Variants in GNAO1 observed in about 807,000 individuals in gnomAD.
GNAO1 encodes G protein subunit alpha o1.
For synonymous variants in GNAO1, 164 were observed against 180.7 expected (o/e 0.91, Z 0.74); for missense variants, 166 against 478.7 (o/e 0.35, Z 6.10).
intron 2 of GNAO1, among the ~76,000 whole-genome samples, chr16:56,220,394 A>G (rs2036473208): frequency 6.6e-6 from 1 of 152,192 alleles, no homozygotes; most frequent in East Asian, 1.9e-4. Context: ...TGGTAAGTCC[A>G]GGCTTCCAGT....
chr16:56,285,865 C>T (rs1266482726), intron 3 of GNAO1, among the ~76,000 whole-genome samples: 1 of 152,172 alleles, frequency 6.6e-6, no homozygotes, highest in Non-Finnish European at 1.5e-5. Context: ...ATCTCTCTCC[C>T]GACTATGTCT....
chr16:56,212,716 C>T (rs1257661223), intron 2 of GNAO1, among the ~76,000 whole-genome samples: 15 of 152,182 alleles, frequency 9.9e-5, no homozygotes, highest in Non-Finnish European at 1.8e-4. Flanking sequence ...AGTTACTATA[C>T]AGATGTAAGT....
chr16:56,279,941 A>G (rs1157828094), intron 3 of GNAO1, among the ~76,000 whole-genome samples: 6 of 152,232 alleles, frequency 3.9e-5, no homozygotes, highest in Admixed American at 2.0e-4. Flanking sequence ...AGCAGCCAAC[A>G]CAGTGCTCAG....
chr16:56,294,301 G>A (rs2037262062), intron 3 of GNAO1, among the ~76,000 whole-genome samples: 1 of 150,738 alleles, frequency 6.6e-6, no homozygotes, highest in African/African-American at 2.4e-5. Flanking sequence ...GAATGTGGGG[G>A]CTGCTCTCTT....
intron 3 of GNAO1, among the ~76,000 whole-genome samples, chr16:56,306,070 T>C (rs116285797): frequency 5.4e-4 from 82 of 152,352 alleles, no homozygotes; most frequent in African/African-American, 1.9e-3. Flanking sequence ...ATGAAGCTCG[T>C]GGATCAGCAT....
chr16:56,299,797 A>T (rs1184112288), intron 3 of GNAO1, among the ~76,000 whole-genome samples: 1 of 152,172 alleles, frequency 6.6e-6, no homozygotes, highest in Non-Finnish European at 1.5e-5. Flanking sequence ...GAGGATGGAA[A>T]TAGTTCCACA....
At chr16:56,322,265 A>G (rs7198501) in intron 3 of GNAO1, among the ~76,000 whole-genome samples, 125,816 of 151,622 alleles carry the variant, frequency 0.83, 52,559 homozygotes, top group East Asian at 0.97. Context: ...CTGCCCAGAG[A>G]ACATGCATGT....
chr16:56,321,241 A>T (rs1341564361), intron 3 of GNAO1, among the ~76,000 whole-genome samples: 2 of 152,166 alleles, frequency 1.3e-5, no homozygotes, highest in African/African-American at 4.8e-5. Flanking sequence ...AACAAACAAC[A>T]TATCCTCCAA....
chr16:56,218,011 A>G (rs2036451196), intron 2 of GNAO1, among the ~76,000 whole-genome samples: 1 of 152,244 alleles, frequency 6.6e-6, no homozygotes, highest in East Asian at 1.9e-4. Context: ...GGCAAGGAAG[A>G]TGCCAAACAA....
At chr16:56,209,586 C>A (rs2036366241) in intron 2 of GNAO1, among the ~76,000 whole-genome samples, 2 of 152,132 alleles carry the variant, frequency 1.3e-5, no homozygotes, top group African/African-American at 4.8e-5. Context: ...AATCTTGAGT[C>A]TTCCTGATCC....
intron 3 of GNAO1, among the ~76,000 whole-genome samples, chr16:56,323,317 G>A (rs922249715): frequency 6.6e-6 from 1 of 152,110 alleles, no homozygotes; most frequent in Non-Finnish European, 1.5e-5. Flanking sequence ...CAGAAACTCT[G>A]GAAATTATGC....
chr16:56,337,347 G>A (rs765548852), intron 6 of GNAO1, among the ~76,000 whole-genome samples: 2 of 152,326 alleles, frequency 1.3e-5, no homozygotes, highest in Non-Finnish European at 1.5e-5. Flanking sequence ...GGAGAGTTGC[G>A]TGGGGTTGGG....
intron 2 of GNAO1, among the ~76,000 whole-genome samples, chr16:56,241,426 C>T (rs750018241): frequency 4.6e-5 from 7 of 152,132 alleles, no homozygotes; most frequent in African/African-American, 7.2e-5. Flanking sequence ...TGCTTCCCAT[C>T]GAGTTGAGGA....
At chr16:56,337,795 C>G (rs1264084609) in intron 6 of GNAO1, among the ~76,000 whole-genome samples, 1 of 152,180 alleles carries the variant, frequency 6.6e-6, no homozygotes, top group African/African-American at 2.4e-5. Flanking sequence ...TGCGTGGTCC[C>G]CTTCTGGGCT....
intron 6 of GNAO1, among the ~76,000 whole-genome samples, chr16:56,338,487 T>C (rs532228546): frequency 6.6e-6 from 1 of 152,216 alleles, no homozygotes; most frequent in Non-Finnish European, 1.5e-5. Context: ...ACTGCTAGAC[T>C]CTATGCTATT....
At chr16:56,348,015 G>C (rs113140045) in intron 6 of GNAO1, 1 of 980,532 alleles carries the variant, frequency 1.0e-6, no homozygotes, top group African/African-American at 1.8e-5. Flanking sequence ...TAGAAAAGCC[G>C]TCTCTCTCGA....
intron 2 of GNAO1, among the ~76,000 whole-genome samples, chr16:56,208,568 G>A (rs906516203): frequency 1.3e-5 from 2 of 152,178 alleles, no homozygotes; most frequent in Non-Finnish European, 2.9e-5. Context: ...GTTTTCCGAA[G>A]TGGTAATTCC....
intron 6 of GNAO1, chr16:56,340,172 T>G (rs2037786774): frequency 6.6e-6 from 1 of 152,266 alleles, no homozygotes; most frequent in African/African-American, 2.4e-5. Flanking sequence ...TGTTTTGCTG[T>G]GTTTCATCTT....
intron 3 of GNAO1, among the ~76,000 whole-genome samples, chr16:56,277,334 G>A (rs1404844734): frequency 1.3e-5 from 2 of 152,210 alleles, no homozygotes; most frequent in East Asian, 3.9e-4. Flanking sequence ...CACGGAGCCA[G>A]GGCCTGTGGA....
Sources: gnomAD v4.1 joint callset for allele counts (sites outside exome capture counted in the v4.1 genomes callset) on GRCh38, gnomAD v4.1.1 for gene constraint, MANE v1.5 for transcripts, NCBI Gene and HGNC (gene_info 2026-07-23, HGNC 2026-07-21) for gene names.